Variants in MALRD1 observed in about 807,000 individuals in gnomAD.
The protein encoded by MALRD1 is MAM and LDL receptor class A domain containing 1.
Under a neutral mutation model 242.1 loss-of-function variants are expected in MALRD1, and 247 were observed. The ratio of observed to expected loss-of-function variants is 1.02; its 90% confidence interval spans 0.92 to 1.13. The LOEUF (loss-of-function observed/expected upper bound fraction) is 1.13, where lower values mean the gene tolerates loss of function less well. Ranked by LOEUF, MALRD1 falls within the 50% of genes most tolerant of loss-of-function variation. MALRD1 has a pLI of 0.00. For synonymous variants in MALRD1, 995 were observed against 866.6 expected (o/e 1.15, Z -2.60); for missense variants, 2,989 against 2,533.1 (o/e 1.18, Z -3.86).
intron 14 of MALRD1, among the ~76,000 whole-genome samples, chr10:19,194,461 G>C (rs1324449486): frequency 6.6e-6 from 1 of 151,970 alleles, no homozygotes; most frequent in Non-Finnish European, 1.5e-5. Context: ...AGGCAGCCTT[G>C]ATTTCTTCAT....
chr10:19,493,507 C>A (rs969087033), intron 30 of MALRD1, among the ~76,000 whole-genome samples: 1 of 151,876 alleles, frequency 6.6e-6, no homozygotes, highest in African/African-American at 2.4e-5. Context: ...AGTGTTATTT[C>A]TAGCTTCTTT....
At position 19,268,583 on chromosome 10, in the gene MALRD1, A is replaced by G. The variant is rs79308047; in HGVS notation, c.3079+10812A>G. Among the ~76,000 whole-genome samples, 1,258 of 152,300 alleles carry G rather than the reference A, an allele frequency of 8.3e-3. 10 individuals are homozygous for G. The highest frequency in any genetic ancestry group is 0.029 in the African/African-American group (1,192 of 41,572). Reference sequence around the variant, plus strand: ...TTCTTAACTCAAAAAGTCACAGGGAAAACGTATACGTTGTTAGCTACAGGT... The same window carrying G: ...TTCTTAACTCAAAAAGTCACAGGGAGAACGTATACGTTGTTAGCTACAGGT... On this transcript the variant is annotated intron_variant, in intron 19 of 39. Coordinates refer to ENST00000454679, the MANE Select transcript of MALRD1 (RefSeq NM_001142308.3).
At chr10:19,599,335 C>T (rs146364446) in intron 34 of MALRD1, among the ~76,000 whole-genome samples, 1,992 of 152,028 alleles carry the variant, frequency 0.013, 19 homozygotes, top group East Asian at 0.036. Flanking sequence ...GTGAGTTCAA[C>T]GTTTAAGAAC....
At chr10:19,340,896 C>G (rs1483122561) in intron 24 of MALRD1, among the ~76,000 whole-genome samples, 2 of 152,080 alleles carry the variant, frequency 1.3e-5, no homozygotes, top group African/African-American at 2.4e-5. Flanking sequence ...ATCTGAGACT[C>G]ACTAAATCAT....
At chr10:19,149,684 A>G (rs1019334009) in intron 11 of MALRD1, among the ~76,000 whole-genome samples, 4 of 151,920 alleles carry the variant, frequency 2.6e-5, no homozygotes, top group African/African-American at 7.3e-5. Context: ...TTCATTTTTT[A>G]TGATAAAGTA....
intron 18 of MALRD1, among the ~76,000 whole-genome samples, chr10:19,216,306 C>A (rs1431753401): frequency 1.3e-5 from 2 of 151,566 alleles, no homozygotes; most frequent in African/African-American, 2.4e-5. Context: ...TTAGTGGAGA[C>A]AAGGTTTCAC....
chr10:19,204,025 G>A, intron 15 of MALRD1, 145 bp downstream of exon 15: 1 of 1,102,774 alleles, frequency 9.1e-7, no homozygotes, highest in Non-Finnish European at 1.3e-6. Context: ...TATGCTGTCT[G>A]CATGGACTGA....
intron 38 of MALRD1, among the ~76,000 whole-genome samples, chr10:19,729,880 G>C (rs920983870): frequency 4.0e-5 from 6 of 151,410 alleles, no homozygotes; most frequent in Admixed American, 2.6e-4. Context: ...GGGACTACAG[G>C]CGCCCGCCAC....
chr10:19,382,046 A>G (rs1449253614), intron 26 of MALRD1, among the ~76,000 whole-genome samples: 4 of 152,130 alleles, frequency 2.6e-5, no homozygotes, highest in Non-Finnish European at 5.9e-5. Flanking sequence ...CTTATAGATA[A>G]TTGAACTTCA....
chr10:19,489,334 C>T (rs1354688314), intron 29 of MALRD1: 3 of 534,192 alleles, frequency 5.6e-6, no homozygotes, highest in African/African-American at 1.9e-5. Flanking sequence ...CTGCAGAAAA[C>T]GGGGAAAGGA....
At chr10:19,078,719 T>C (rs1835393794) in intron 2 of MALRD1, among the ~76,000 whole-genome samples, 2 of 151,916 alleles carry the variant, frequency 1.3e-5, no homozygotes, top group South Asian at 4.1e-4. Context: ...TTGGATTTTT[T>C]ATTTCTTCTT....
intron 14 of MALRD1, among the ~76,000 whole-genome samples, chr10:19,197,402 T>C (rs1836313967): frequency 6.6e-6 from 1 of 152,210 alleles, no homozygotes; most frequent in Non-Finnish European, 1.5e-5. Context: ...GTCACATCTC[T>C]GCTTAAAACA....
At chr10:19,613,512 T>TA (rs1838995611) in intron 35 of MALRD1, among the ~76,000 whole-genome samples, 1 of 152,018 alleles carries the variant, frequency 6.6e-6, no homozygotes, top group Non-Finnish European at 1.5e-5. Flanking sequence ...AAATATCTCT[T>TA]AAAAATTCAA....
At chr10:19,356,872 C>A (rs1467694962) in intron 26 of MALRD1, among the ~76,000 whole-genome samples, 1 of 151,906 alleles carries the variant, frequency 6.6e-6, no homozygotes, top group East Asian at 1.9e-4. Context: ...ACTTTGGGAG[C>A]CTGAGGTGGG....
chr10:19,229,663 C>G (rs756152823), intron 18 of MALRD1, among the ~76,000 whole-genome samples: 1 of 151,888 alleles, frequency 6.6e-6, no homozygotes, highest in Non-Finnish European at 1.5e-5. Flanking sequence ...TCTTTTTGTC[C>G]TCCCATGATG....
rs370800409 is a variant in MALRD1, at chr10:19,066,699, CT to C, written c.200-16del. 1 of 1,233,276 alleles carries C rather than the reference CT, an allele frequency of 8.1e-7. No individual in the cohort carries two copies. Among genetic ancestry groups the C allele is most frequent in the African/African-American group, 1.6e-5 (1 of 64,478 alleles). 76.4% of individuals were successfully genotyped at this position (1,233,276 alleles called of 1,614,324 possible). On this transcript the variant is annotated intron_variant, in intron 1 of 39. Coordinates refer to ENST00000454679, the MANE Select transcript of MALRD1 (RefSeq NM_001142308.3). The stretch of plus-strand genomic sequence containing the variant: ...AGCTAAACACAGTTGTGAAAACCAA[CT>C]TTTCTTCTTTCTCATTAGGTTTGAA...
intron 17 of MALRD1, among the ~76,000 whole-genome samples, chr10:19,206,696 C>G (rs1335115267): frequency 6.6e-6 from 1 of 152,146 alleles, no homozygotes; most frequent in African/African-American, 2.4e-5. Context: ...ATCCACAAAT[C>G]CATGTTGGAT....
intron 18 of MALRD1, among the ~76,000 whole-genome samples, chr10:19,250,205 A>G (rs1336572847): frequency 6.6e-6 from 1 of 152,008 alleles, no homozygotes; most frequent in Non-Finnish European, 1.5e-5. Flanking sequence ...TTCTGTTAAA[A>G]TCTTATTATA....
chr10:19,672,270 C>T (rs1000248437), intron 36 of MALRD1, among the ~76,000 whole-genome samples: 3 of 151,946 alleles, frequency 2.0e-5, no homozygotes, highest in Non-Finnish European at 4.4e-5. Context: ...TTAAATCTCT[C>T]TCTCTATATA....
Sources: gnomAD v4.1 joint callset for allele counts (sites outside exome capture counted in the v4.1 genomes callset) on GRCh38, gnomAD v4.1.1 for gene constraint, MANE v1.5 for transcripts, NCBI Gene and HGNC (gene_info 2026-07-23, HGNC 2026-07-21) for gene names.